HUNK: variants seen among roughly 807,000 people sequenced by gnomAD.
HUNK encodes the protein hormonally up-regulated Neu-associated kinase, also known as hormonally up-regulated neu tumor-associated kinase.
HUNK carries 21 observed loss-of-function variants against 61.0 expected under a neutral mutation model. The observed-to-expected ratio is 0.34, with a 90% CI of 0.24 to 0.50. The LOEUF is 0.50. Ranked by LOEUF, HUNK falls within the 20% of genes least tolerant of loss-of-function variation. The pLI, the probability that HUNK is intolerant of heterozygous loss-of-function variation, is 0.98. For synonymous variants in HUNK, 371 were observed against 386.1 expected, an observed-to-expected ratio of 0.96 and a Z score of 0.46; for missense variants, 772 against 945.7, an observed-to-expected ratio of 0.82 and a Z score of 2.41.
At chr21:31,960,184 T>G (rs982463343) in intron 5 of HUNK, among the ~76,000 whole-genome samples, 3 of 152,228 alleles carry the variant, frequency 2.0e-5, no homozygotes, top group Non-Finnish European at 2.9e-5. Context: ...ATATGTGTTG[T>G]GCACCAATTA....
intron 9 of HUNK, 102 bp from the exon 10 acceptor site, chr21:31,995,666 A>G (rs1443855395): frequency 1.1e-6 from 1 of 923,630 alleles, no homozygotes; most frequent in Non-Finnish European, 1.7e-6. Context: ...GAGTATTGAA[A>G]AGGTGGAGTT....
At chr21:31,891,447 C>T (rs978614792) in intron 1 of HUNK, among the ~76,000 whole-genome samples, 7 of 152,186 alleles carry the variant, frequency 4.6e-5, no homozygotes, top group African/African-American at 1.2e-4. Context: ...TTTGAACATA[C>T]GAACACACCC....
rs750229918 is a variant in HUNK, at chr21:31,958,908, G to A, written c.812G>A (p.Arg271Lys). ...LPFTVEPFSL[R>K]ALYQKMVDKE... ...TTCACGGTGGAGCCTTTCAGCCTGA[G>A]GGCTTTGTACCAGAAGATGGTAGAC... is the stretch of plus-strand genomic sequence containing the variant. The change falls in exon 5 of 11, where the codon AGG becomes AAG. Residue 271 changes from arginine (R) to lysine (K), a missense_variant. Transcript: ENST00000270112. 1 of 1,611,150 alleles carries A rather than the reference G, an allele frequency of 6.2e-7. No individual in the cohort carries two copies. The highest frequency in any genetic ancestry group is 8.5e-7 in the Non-Finnish European group (1 of 1,179,066).
chr21:31,959,112 A>C, intron 5 of HUNK, 142 bp downstream of exon 5: 1 of 860,676 alleles, frequency 1.2e-6, no homozygotes, highest in Admixed American at 3.3e-5. Context: ...GTTAAATAGA[A>C]GTGTCAAGGG....
At chr21:31,975,586 C>T (rs2053043045) in intron 7 of HUNK, among the ~76,000 whole-genome samples, 1 of 152,160 alleles carries the variant, frequency 6.6e-6, no homozygotes, top group South Asian at 2.1e-4. Flanking sequence ...GGACCACCTT[C>T]ACCCTGGGCC....
At chr21:31,883,587 T>C (rs1290226881) in intron 1 of HUNK, among the ~76,000 whole-genome samples, 2 of 152,180 alleles carry the variant, frequency 1.3e-5, no homozygotes, top group Admixed American at 1.3e-4. Context: ...ATTCTTTCTC[T>C]TTTTCTTTGT....
At chr21:31,913,650 C>T (rs2052561092) in intron 1 of HUNK, among the ~76,000 whole-genome samples, 1 of 151,744 alleles carries the variant, frequency 6.6e-6, no homozygotes, top group African/African-American at 2.4e-5. Flanking sequence ...CGTCAGAGCT[C>T]AGGAAGAGGT....
intron 5 of HUNK, among the ~76,000 whole-genome samples, chr21:31,966,651 G>A (rs1481658292): frequency 6.6e-6 from 1 of 152,158 alleles, no homozygotes; most frequent in Non-Finnish European, 1.5e-5. Context: ...GTTGACAAAA[G>A]GCTCAGCATT....
rs564684356 is a variant in HUNK at position 31,998,833 on chromosome 21, G to T, written c.1794G>T (p.Thr598=). ...SLARRNSSER[T]LSPGLPSGSM... is the part of the protein sequence containing the mutation. The stretch of plus-strand genomic sequence containing the variant: ...CTCGCAGAAATTCCAGCGAGAGGAC[G>T]CTGTCCCCGGGTCTGCCATCCGGAA... Residue 598 remains threonine (T), a synonymous_variant, in exon 11 of 11, where the codon ACG becomes ACT. Coordinates refer to ENST00000270112, the MANE Select transcript of HUNK (RefSeq NM_014586.2). 3.7e-6 allele frequency: 6 copies of T among 1,614,030 alleles called. No individual in the cohort carries two copies. The African/African-American group carries it at 5.3e-5, about 14-fold the overall frequency.
chr21:31,969,549 TA>T (rs1316242785), intron 6 of HUNK, among the ~76,000 whole-genome samples: 14 of 151,872 alleles, frequency 9.2e-5, no homozygotes, highest in African/African-American at 3.4e-4. Context: ...AACTACAGAT[TA>T]AAAAACATTT....
Position 31,916,043 on chromosome 21 carries a change from C to CTTTTTTT in HUNK, c.262-8406_262-8400dup, listed in dbSNP as rs34245381. On this transcript the variant is annotated intron_variant, in intron 1 of 10. Coordinates refer to ENST00000270112, the MANE Select transcript of HUNK (RefSeq NM_014586.2). ...TGCCAGACATTGTACTAAGTGCTTT[C>CTTTTTTT]TTTTTTTTTTTTTTTTTTTTTTTTT... Among the ~76,000 whole-genome samples the CTTTTTTT allele has an allele frequency of 3.6e-3, 293 of 81,756 alleles. 13 individuals carry two copies. Among genetic ancestry groups the CTTTTTTT allele is most frequent in the African/African-American group, 0.011 (212 of 19,670 alleles). The allele number at this position is 81,756 out of a possible 152,430, so 53.6% of individuals were successfully genotyped here.
At chr21:31,954,156 C>T (rs2052871616) in intron 4 of HUNK, among the ~76,000 whole-genome samples, 1 of 152,188 alleles carries the variant, frequency 6.6e-6, no homozygotes. Context: ...GGTCTCCAAA[C>T]CCCTTTAGTG....
At position 31,995,875 on chromosome 21, in the gene HUNK, T is replaced by G; in HGVS notation, c.1413T>G (p.Leu471=). The part of the protein sequence containing the change: ...LPSHKQPSGS[L]MTQIQNTKAL... The stretch of plus-strand genomic sequence containing the variant: ...CGCACAAACAGCCCTCAGGCTCGCT[T>G]ATGACACAGATTCAGAACACCAAAG... Residue 471 remains leucine (L), a synonymous_variant, in exon 10 of 11, where the codon CTT becomes CTG. Coordinates refer to ENST00000270112, the MANE Select transcript of HUNK (RefSeq NM_014586.2). 1 of 1,613,902 alleles carries G rather than the reference T, an allele frequency of 6.2e-7. No individual in the cohort carries two copies. The highest frequency in any genetic ancestry group is 8.5e-7 in the Non-Finnish European group (1 of 1,179,914).
At position 31,999,053 on chromosome 21, in the gene HUNK, T is replaced by A. The variant is rs764898280; in HGVS notation, c.2014T>A (p.Leu672Ile). The change falls in exon 11 of 11, where the codon TTA becomes ATA. Residue 672 changes from leucine to isoleucine, a missense_variant. Around this residue, in one of 2 missense-constraint regions of HUNK, gnomAD observed 413 missense variants for 444.4 expected, o/e 0.93. Coordinates refer to ENST00000270112, the MANE Select transcript of HUNK (RefSeq NM_014586.2). ...CCCTATGATGGGCATCGGACAGATG[T>A]TAAGGAAGCGCCATCAGAGTCTGCA... is the stretch of plus-strand genomic sequence containing the variant. ...RFPMMGIGQM[L>I]RKRHQSLQPS... 5 of 1,614,208 alleles carry A rather than the reference T, an allele frequency of 3.1e-6. No individual in the cohort carries two copies. The highest frequency in any genetic ancestry group is 1.6e-4 in the Middle Eastern group (1 of 6,062).
At chr21:31,960,024 C>T (rs749569652) in intron 5 of HUNK, among the ~76,000 whole-genome samples, 3 of 152,214 alleles carry the variant, frequency 2.0e-5, no homozygotes, top group Non-Finnish European at 4.4e-5. Context: ...AGTCATAACT[C>T]TTGGAGTTAG....
At chr21:31,889,220 G>A (rs949965767) in intron 1 of HUNK, among the ~76,000 whole-genome samples, 2 of 152,298 alleles carry the variant, frequency 1.3e-5, no homozygotes, top group South Asian at 2.1e-4. Context: ...CGATTTGGAG[G>A]CAGACCAGCT....
In HUNK at chr21:32,002,409, A is replaced by C. The variant is rs1177659840; in HGVS notation, c.*3225A>C. ...TGGCCTTATGTAAAGCTCTTGACCTAGCATCTGACTGGAAACAAGCGGGAA... is the reference window on the plus strand; with the variant it reads ...TGGCCTTATGTAAAGCTCTTGACCTCGCATCTGACTGGAAACAAGCGGGAA... On this transcript the variant is annotated 3_prime_UTR_variant, in exon 11 of 11. Coordinates refer to ENST00000270112, the MANE Select transcript of HUNK (RefSeq NM_014586.2). 6.6e-6 allele frequency: 1 copy of C among 152,154 alleles called. No homozygotes were observed. Among genetic ancestry groups the C allele is most frequent in the Non-Finnish European group, 1.5e-5 (1 of 68,026 alleles). The allele number at this position is 152,154 out of a possible 1,614,324, so 9.4% of individuals were successfully genotyped here.
intron 1 of HUNK, among the ~76,000 whole-genome samples, chr21:31,886,968 T>A (rs2052351167): frequency 6.6e-6 from 1 of 152,132 alleles, no homozygotes; most frequent in South Asian, 2.1e-4. Flanking sequence ...CCAAGCATGG[T>A]TTGATCTTCC....
chr21:31,957,236 G>A (rs1166207636), intron 4 of HUNK, among the ~76,000 whole-genome samples: 12 of 152,198 alleles, frequency 7.9e-5, no homozygotes, highest in Non-Finnish European at 1.5e-4. Context: ...AAACCCAAGA[G>A]GGCAGGTCTT....
Sources: gnomAD v4.1 joint callset for allele counts (sites outside exome capture counted in the v4.1 genomes callset) on GRCh38, gnomAD v4.1.1 for gene constraint, gnomAD v4.1.1 regional missense constraint, MANE v1.5 for transcripts, NCBI Gene and HGNC (gene_info 2026-07-23, HGNC 2026-07-21) for gene names.